CSTPP1: variants seen among roughly 807,000 people sequenced by gnomAD.
CSTPP1 encodes the protein centriolar satellite-associated tubulin polyglutamylase complex regulator 1.
the CSTPP1 span, among the ~76,000 whole-genome samples, chr11:47,088,867 G>A: frequency 6.6e-6 from 1 of 152,034 alleles, no homozygotes; most frequent in African/African-American, 2.4e-5. Flanking sequence ...ATATTTAATA[G>A]GCATACATAA....
At chr11:47,034,820 G>C in the CSTPP1 span, among the ~76,000 whole-genome samples, 1 of 152,070 alleles carries the variant, frequency 6.6e-6, no homozygotes, top group South Asian at 2.1e-4. Context: ...TTTCTTAATG[G>C]CATCTGGAAA....
the CSTPP1 span, among the ~76,000 whole-genome samples, chr11:46,954,577 A>G: frequency 6.6e-6 from 1 of 152,182 alleles, no homozygotes; most frequent in East Asian, 1.9e-4. Context: ...ATAAAAAATA[A>G]AATAAAAAAG....
At chr11:47,035,172 C>G in the CSTPP1 span, among the ~76,000 whole-genome samples, 1 of 152,176 alleles carries the variant, frequency 6.6e-6, no homozygotes, top group Non-Finnish European at 1.5e-5. Context: ...TTATAATTGT[C>G]CTTACCTTAG....
chr11:46,943,224 T>G, the CSTPP1 span, among the ~76,000 whole-genome samples: 20 of 152,218 alleles, frequency 1.3e-4, no homozygotes, highest in Admixed American at 3.3e-4. Flanking sequence ...CTGTACCAGG[T>G]ACCATTTTAA....
chr11:46,965,744 A>G, the CSTPP1 span, among the ~76,000 whole-genome samples: 1 of 152,196 alleles, frequency 6.6e-6, no homozygotes, highest in East Asian at 1.9e-4. Flanking sequence ...AGTTCAAAAA[A>G]CAGGAATATT....
chr11:46,956,363 C>T, the CSTPP1 span, among the ~76,000 whole-genome samples: 1 of 152,180 alleles, frequency 6.6e-6, no homozygotes, highest in Non-Finnish European at 1.5e-5. Flanking sequence ...CTATTTTTCT[C>T]TCAATACAAA....
the CSTPP1 span, among the ~76,000 whole-genome samples, chr11:47,035,774 A>T: frequency 3.9e-5 from 6 of 151,940 alleles, no homozygotes; most frequent in Admixed American, 2.0e-4. Context: ...ACTTTTAAAA[A>T]TTTTTCCAAT....
At chr11:47,022,358 CTTTTTTTTTTTTTTTT>C in the CSTPP1 span, among the ~76,000 whole-genome samples, 3 of 48,754 alleles carry the variant, frequency 6.2e-5, no homozygotes, top group Non-Finnish European at 1.1e-4. Context: ...TTCATATGTC[CTTTTTTTTTTTTTTTT>C]TTTTTTTTTT....
chr11:47,121,189 A>T, the CSTPP1 span, among the ~76,000 whole-genome samples: 2 of 152,218 alleles, frequency 1.3e-5, no homozygotes, highest in African/African-American at 2.4e-5. Context: ...CCTCTCTGTT[A>T]GGTCATGTAG....
the CSTPP1 span, among the ~76,000 whole-genome samples, chr11:47,009,585 T>A: frequency 6.6e-6 from 1 of 151,986 alleles, no homozygotes; most frequent in Admixed American, 6.6e-5. Context: ...TCAGCTGGGG[T>A]CAGGAGCTCG....
chr11:47,153,989 G>A, the CSTPP1 span, among the ~76,000 whole-genome samples: 1 of 151,980 alleles, frequency 6.6e-6, no homozygotes, highest in Non-Finnish European at 1.5e-5. Context: ...TCACGGGCTG[G>A]AGTGCAGTGG....
chr11:47,164,112 C>T, the CSTPP1 span: 1 of 1,612,944 alleles, frequency 6.2e-7, no homozygotes, highest in East Asian at 2.2e-5. Context: ...GTCGAAGCTG[C>T]ACCGGACCTC....
chr11:47,125,309 A>C, the CSTPP1 span, among the ~76,000 whole-genome samples: 435 of 152,200 alleles, frequency 2.9e-3, 2 homozygotes, highest in African/African-American at 9.9e-3. Context: ...GGTGGAAGCT[A>C]GTGGATTCTG....
At chr11:47,094,584 A>G in the CSTPP1 span, among the ~76,000 whole-genome samples, 1 of 152,204 alleles carries the variant, frequency 6.6e-6, no homozygotes, top group East Asian at 1.9e-4. Context: ...CAAGCTCATC[A>G]AATTGTACAT....
chr11:46,960,354 T>C, the CSTPP1 span, among the ~76,000 whole-genome samples: 1 of 152,156 alleles, frequency 6.6e-6, no homozygotes, highest in African/African-American at 2.4e-5. Flanking sequence ...CACCATGATA[T>C]AATTGCAGAA....
At chr11:47,116,168 G>T in the CSTPP1 span, among the ~76,000 whole-genome samples, 4 of 152,190 alleles carry the variant, frequency 2.6e-5, no homozygotes, top group Non-Finnish European at 1.5e-5. Flanking sequence ...TGATGGCATT[G>T]TGGTCTGAGA....
chr11:47,016,669 A>G, the CSTPP1 span, among the ~76,000 whole-genome samples: 129,406 of 151,920 alleles, frequency 0.85, 56,251 homozygotes, highest in African/African-American at 0.97. Context: ...AAAGTATATC[A>G]GTTGTGGACA....
chr11:47,046,268 A>G, the CSTPP1 span, among the ~76,000 whole-genome samples: 2 of 151,532 alleles, frequency 1.3e-5, no homozygotes, highest in African/African-American at 4.8e-5. Flanking sequence ...AGCATCCTAA[A>G]GAATCCACCA....
At chr11:46,966,986 CG>C in the CSTPP1 span, among the ~76,000 whole-genome samples, 1 of 152,000 alleles carries the variant, frequency 6.6e-6, no homozygotes, top group Non-Finnish European at 1.5e-5. Context: ...TTTGCCTTCT[CG>C]GGGTGACCTT....
Sources: gnomAD v4.1 joint callset for allele counts (sites outside exome capture counted in the v4.1 genomes callset) on GRCh38, gnomAD v4.1.1 for gene constraint, MANE v1.5 for transcripts, NCBI Gene and HGNC (gene_info 2026-07-23, HGNC 2026-07-21) for gene names.